XRCC4: variants seen among roughly 807,000 people sequenced by gnomAD.
The protein encoded by XRCC4 is DNA repair protein XRCC4.
Under a neutral mutation model 39.1 loss-of-function variants are expected in XRCC4, and 28 were observed. The observed-to-expected ratio is 0.72, with a 90% CI of 0.53 to 0.98. XRCC4 has a LOEUF of 0.98. Among genes scored for constraint, XRCC4 ranks in the 50% least tolerant of loss-of-function variants. The pLI, the probability that XRCC4 is intolerant of heterozygous loss-of-function variation, is 0.00. For synonymous variants in XRCC4, 123 were observed against 126.4 expected (o/e 0.97, Z 0.18); for missense variants, 350 against 376.4 (o/e 0.93, Z 0.58).
At chr5:83,145,041 A>G (rs1162320613) in intron 3 of XRCC4, among the ~76,000 whole-genome samples, 1 of 151,778 alleles carries the variant, frequency 6.6e-6, no homozygotes, top group Non-Finnish European at 1.5e-5. Flanking sequence ...GACTACAGGC[A>G]CCCGCCACCA....
In XRCC4 at chr5:83,104,928, A is replaced by C. The variant is rs772350571; in HGVS notation, c.9A>C (p.Arg3Ser). Residue 3 changes from arginine to serine, a missense_variant, in exon 2 of 8, where the codon AGA (arginine) becomes AGC (serine). Transcript: ENST00000396027. The stretch of plus-strand genomic sequence containing the variant: ...ATTACAGGTATTAAGAAATGGAGAG[A>C]AAAATAAGCAGAATCCACCTTGTTT... ME[R>S]KISRIHLVSE... 1 of 1,613,134 alleles carries C rather than the reference A, an allele frequency of 6.2e-7. No individual in the cohort carries two copies. The highest frequency in any genetic ancestry group is 1.1e-5 in the South Asian group (1 of 91,018).
chr5:83,264,175 A>G lies in XRCC4; in HGVS notation c.893+5498A>G, dbSNP rs114622985. Among the ~76,000 whole-genome samples the G allele has an allele frequency of 7.2e-3, 1,096 of 152,256 alleles. 10 individuals are homozygous for G. Among genetic ancestry groups the G allele is most frequent in the African/African-American group, 0.024 (1,014 of 41,556 alleles). On this transcript the variant is annotated intron_variant, in intron 7 of 7. Transcript: ENST00000396027. ...TGCTTACAGTATTATCCTTGAAGAA[A>G]TTGCACAATCCATGCACTTTTGTTT...
chr5:83,346,614 G>A (rs1756924361), intron 7 of XRCC4, among the ~76,000 whole-genome samples: 1 of 152,148 alleles, frequency 6.6e-6, no homozygotes, highest in South Asian at 2.1e-4. Flanking sequence ...CTTTCTGAGA[G>A]CAGGAGTAAC....
In XRCC4 at chr5:83,080,525, C is replaced by CA. The variant is rs33921507; in HGVS notation, c.-11+2927dup. Among the ~76,000 whole-genome samples, 1,176 of 128,302 alleles carry CA rather than the reference C, an allele frequency of 9.2e-3. 7 individuals are homozygous for CA. The highest frequency in any genetic ancestry group is 0.014 in the Admixed American group (164 of 11,764). 84.2% of individuals were successfully genotyped at this position (128,302 alleles called of 152,430 possible). A position where few individuals can be genotyped will look rare whatever the true frequency, so the allele number is the denominator to read the frequency against. ...TGGGCAACAGAGCGAGACTCCATCTCAAAAAAAAAAAAAAAAATTCCAGAA... is the reference window on the plus strand; with the variant it reads ...TGGGCAACAGAGCGAGACTCCATCTCAAAAAAAAAAAAAAAAAATTCCAGAA... On this transcript the variant is annotated intron_variant, in intron 1 of 7. Coordinates refer to ENST00000396027, the MANE Select transcript of XRCC4 (RefSeq NM_003401.5).
chr5:83,127,732 T>C (rs1413660978), intron 3 of XRCC4, among the ~76,000 whole-genome samples: 1 of 152,144 alleles, frequency 6.6e-6, no homozygotes, highest in African/African-American at 2.4e-5. Context: ...AATAATATTT[T>C]TCTTCTGTTT....
intron 7 of XRCC4, among the ~76,000 whole-genome samples, chr5:83,333,573 G>C (rs893551785): frequency 3.3e-5 from 5 of 151,986 alleles, no homozygotes; most frequent in Admixed American, 1.3e-4. Context: ...ATTCCTCAAA[G>C]AGAAATTAAC....
In XRCC4 at chr5:83,108,804, C is replaced by T. The variant is rs571142611; in HGVS notation, c.140-2224C>T. On this transcript the variant is annotated intron_variant, in intron 2 of 7. Transcript: ENST00000396027. ...TAGATAGTTACTTTTTAACATAATG[C>T]AAACACAAAATATGAAATTATTCCT... Among the ~76,000 whole-genome samples the T allele has an allele frequency of 1.6e-4, 24 of 150,640 alleles. No homozygotes were observed. In the South Asian group the frequency reaches 4.0e-3, roughly 25 times the overall value.
At chr5:83,343,407 G>T (rs1259016108) in intron 7 of XRCC4, among the ~76,000 whole-genome samples, 1 of 152,108 alleles carries the variant, frequency 6.6e-6, no homozygotes, top group Non-Finnish European at 1.5e-5. Flanking sequence ...AACATCGCCT[G>T]TTCTTCTTGT....
intron 6 of XRCC4, among the ~76,000 whole-genome samples, chr5:83,210,378 C>G (rs952160650): frequency 1.3e-5 from 2 of 152,118 alleles, no homozygotes; most frequent in Admixed American, 6.6e-5. Flanking sequence ...GGCTTTTATA[C>G]ATAACCATTG....
chr5:83,308,619 T>A (rs1227914827), intron 7 of XRCC4, among the ~76,000 whole-genome samples: 1 of 152,172 alleles, frequency 6.6e-6, no homozygotes, highest in African/African-American at 2.4e-5. Context: ...AACATGTAGG[T>A]ACTTGTAATA....
chr5:83,316,287 G>A (rs1438169967), intron 7 of XRCC4, among the ~76,000 whole-genome samples: 1 of 152,138 alleles, frequency 6.6e-6, no homozygotes, highest in African/African-American at 2.4e-5. Flanking sequence ...GGAAGAAACT[G>A]CATCAACTAA....
Position 83,204,886 on chromosome 5 carries a change from G to A in XRCC4, c.710G>A (p.Ser237Asn). 6.2e-7 allele frequency: 1 copy of A among 1,612,386 alleles called. No homozygotes were observed. The highest frequency in any genetic ancestry group is 1.3e-5 in the African/African-American group (1 of 74,972). The part of the protein sequence containing the change: ...PVYDESTDEE[S>N]ENQTDLSGLA... ...TATGATGAGAGTACTGATGAGGAAA[G>A]TGAAAACCAAACTGATCTCTCTGGG... Residue 237 changes from serine (S) to asparagine (N), a missense_variant, in exon 6 of 8, where the codon AGT becomes AAT. By Grantham distance (46) the Ser-to-Asn change is conservative. Coordinates refer to ENST00000396027, the MANE Select transcript of XRCC4 (RefSeq NM_003401.5).
At chr5:83,221,320 C>T (rs1278533177) in intron 6 of XRCC4, among the ~76,000 whole-genome samples, 1 of 151,832 alleles carries the variant, frequency 6.6e-6, no homozygotes, top group African/African-American at 2.4e-5. Flanking sequence ...TTATTATCAC[C>T]CATTACAACT....
chr5:83,359,945 C>A, the XRCC4 span, among the ~76,000 whole-genome samples: 2 of 152,056 alleles, frequency 1.3e-5, no homozygotes, highest in Non-Finnish European at 2.9e-5. Flanking sequence ...TTAGATGTAT[C>A]TTCTAATCAC....
At chr5:83,244,218 C>T (rs920596746) in intron 6 of XRCC4, among the ~76,000 whole-genome samples, 1 of 140,348 alleles carries the variant, frequency 7.1e-6, no homozygotes, top group Non-Finnish European at 1.5e-5. Context: ...TTTTCCTGTT[C>T]TTTCACGTCA....
At chr5:83,192,791 A>G (rs950282018) in intron 3 of XRCC4, among the ~76,000 whole-genome samples, 2 of 152,134 alleles carry the variant, frequency 1.3e-5, no homozygotes, top group African/African-American at 4.8e-5. Context: ...TCTGTTTCTA[A>G]CAGAAGAGAC....
intron 3 of XRCC4, among the ~76,000 whole-genome samples, chr5:83,115,886 G>A (rs1746686078): frequency 1.3e-5 from 2 of 152,124 alleles, no homozygotes; most frequent in Admixed American, 6.5e-5. Context: ...TCTCAGAACG[G>A]CTTGACAAGG....
chr5:83,133,275 C>T (rs532447616), intron 3 of XRCC4, among the ~76,000 whole-genome samples: 6 of 152,224 alleles, frequency 3.9e-5, no homozygotes, highest in African/African-American at 1.4e-4. Context: ...GGCACCTGGC[C>T]ATCTGAGGTG....
chr5:83,181,882 G>A (rs966593512), intron 3 of XRCC4, among the ~76,000 whole-genome samples: 4 of 152,154 alleles, frequency 2.6e-5, no homozygotes, highest in Non-Finnish European at 5.9e-5. Context: ...TGCCTGTAGC[G>A]CCAGGGTATG....
Sources: gnomAD v4.1 joint callset for allele counts (sites outside exome capture counted in the v4.1 genomes callset) on GRCh38, gnomAD v4.1.1 for gene constraint, MANE v1.5 for transcripts, NCBI Gene and HGNC (gene_info 2026-07-23, HGNC 2026-07-21) for gene names.